The following RPA3 variants were observed in gnomAD, a reference collection of about 807,000 sequenced individuals.
RPA3 encodes the protein replication protein A 14 kDa subunit.
Under a neutral mutation model 13.7 loss-of-function variants are expected in RPA3, and 24 were observed. That is an observed-to-expected ratio of 1.75 (90% confidence interval 1.27 to 2.46). The LOEUF is 2.46. RPA3 is among the 30% of genes most tolerant of loss of function. RPA3 has a pLI of 0.00. For synonymous variants in RPA3, 59 were observed against 51.2 expected, an observed-to-expected ratio of 1.15 and a Z score of -0.65; for missense variants, 183 against 151.0, an observed-to-expected ratio of 1.21 and a Z score of -1.11.
intron 4 of RPA3, among the ~76,000 whole-genome samples, chr7:7,648,436 G>A (rs186682795): frequency 1.3e-3 from 205 of 152,204 alleles, no homozygotes; most frequent in Non-Finnish European, 2.7e-3. Context: ...GCATATAGCT[G>A]GCGATTCATT....
At chr7:7,671,382 G>A (rs567405080) in intron 4 of RPA3, among the ~76,000 whole-genome samples, 7 of 152,198 alleles carry the variant, frequency 4.6e-5, no homozygotes, top group South Asian at 4.1e-4. Context: ...TTTCTGAACC[G>A]TTTTATCCCA....
rs573122304 is a variant in RPA3 at position 7,707,100 on chromosome 7, G to A, written c.-1028+8075C>T. Among the ~76,000 whole-genome samples, 3 of 152,180 alleles carry A rather than the reference G, an allele frequency of 2.0e-5. No homozygotes were observed. In the South Asian group the frequency reaches 6.2e-4, roughly 32 times the overall value. On this transcript the variant is annotated intron_variant, in intron 2 of 7. Transcript: ENST00000223129. Reference sequence around the variant, plus strand: ...TTCTGATTATAAATATATAACTATTGTACTACCATTCCCTGGTTGGTAGGA... The same window carrying A: ...TTCTGATTATAAATATATAACTATTATACTACCATTCCCTGGTTGGTAGGA...
At chr7:7,664,275 A>G (rs1218172024) in intron 4 of RPA3, among the ~76,000 whole-genome samples, 1 of 152,004 alleles carries the variant, frequency 6.6e-6, no homozygotes, top group Non-Finnish European at 1.5e-5. Context: ...TTCTCATTCA[A>G]ACTTCACCCA....
intron 2 of RPA3, among the ~76,000 whole-genome samples, chr7:7,699,000 G>A (rs915229221): frequency 2.6e-5 from 4 of 150,984 alleles, no homozygotes; most frequent in Non-Finnish European, 5.9e-5. Flanking sequence ...GACTACAGGA[G>A]TGCACCATCA....
chr7:7,637,859 T>C lies in RPA3; in HGVS notation c.283+5A>G. ...AACCAGTCAATACTAGAATGCTTTA[T>C]TTACCAAAAGGATGGCTATCTTCTT... On this transcript the variant is annotated splice_donor_5th_base_variant and intron_variant, in intron 7 of 7. Transcript: ENST00000223129. The C allele has an allele frequency of 6.2e-7, 1 of 1,607,996 alleles. No homozygotes were observed. The highest frequency in any genetic ancestry group is 2.2e-5 in the East Asian group (1 of 44,722).
At position 7,637,003 on chromosome 7, in the gene RPA3, A is replaced by G. The variant is rs775749369; in HGVS notation, c.363T>C (p.Asp121=). 6.2e-7 allele frequency: 1 copy of G among 1,605,946 alleles called. No individual in the cohort carries two copies. Among genetic ancestry groups the G allele is most frequent in the African/African-American group, 1.3e-5 (1 of 74,760 alleles). The part of the protein sequence containing the change: ...QFYPLGIVQH[D] ...ATCGTATGAAAATCCATCAAGATCA[A>G]TCATGTTGCACAATCCCTAAAGGAT... Residue 121 remains aspartate (D), a synonymous_variant, in exon 8 of 8, where the codon GAT becomes GAC. Coordinates refer to ENST00000223129, the MANE Select transcript of RPA3 (RefSeq NM_002947.5).
intron 2 of RPA3, among the ~76,000 whole-genome samples, chr7:7,714,268 A>G (rs1197954462): frequency 6.6e-6 from 1 of 152,256 alleles, no homozygotes; most frequent in African/African-American, 2.4e-5. Context: ...ACTTTTCTAT[A>G]AATCCTTGGA....
Position 7,669,782 on chromosome 7 carries a change from C to T in RPA3, c.-758+16048G>A, listed in dbSNP as rs576841311. Among the ~76,000 whole-genome samples, 9 of 152,264 alleles carry T rather than the reference C, an allele frequency of 5.9e-5. No individual in the cohort carries two copies. In the South Asian group the frequency reaches 1.0e-3, roughly 18 times the overall value. ...GTGACTGATGCCTTTGTAATAATTT[C>T]GGAACTGTCTGAAATTATCCAAAGC... On this transcript the variant is annotated intron_variant, in intron 4 of 7. Coordinates refer to ENST00000223129, the MANE Select transcript of RPA3 (RefSeq NM_002947.5).
Position 7,640,518 on chromosome 7 carries a change from G to T in RPA3, c.-100C>A. The T allele has an allele frequency of 9.5e-7, 1 of 1,053,506 alleles. No individual in the cohort carries two copies. Among genetic ancestry groups the T allele is most frequent in the Non-Finnish European group, 1.4e-6 (1 of 692,158 alleles). The allele number at this position is 1,053,506 out of a possible 1,614,324, so 65.3% of individuals were successfully genotyped here. Reference sequence around the variant, plus strand: ...GGCAGATTTCTCGGCACCAATCAGCGAAGACTAGCGCTCCAGCTTCGCCAA... The same window carrying T: ...GGCAGATTTCTCGGCACCAATCAGCTAAGACTAGCGCTCCAGCTTCGCCAA... On this transcript the variant is annotated 5_prime_UTR_variant, in exon 5 of 8. Transcript: ENST00000223129.
chr7:7,671,394 G>C (rs535892410), intron 4 of RPA3, among the ~76,000 whole-genome samples: 1 of 152,308 alleles, frequency 6.6e-6, no homozygotes, highest in Non-Finnish European at 1.5e-5. Context: ...TTTATCCCAA[G>C]AGAAAGAATT....
intron 2 of RPA3, among the ~76,000 whole-genome samples, chr7:7,696,239 C>T (rs1345634128): frequency 2.0e-5 from 3 of 150,750 alleles, no homozygotes; most frequent in Admixed American, 1.3e-4. Flanking sequence ...AATTTGTTTT[C>T]TCCTTGAACT....
chr7:7,678,710 ATT>A (rs1188692443), intron 4 of RPA3, among the ~76,000 whole-genome samples: 20 of 128,414 alleles, frequency 1.6e-4, no homozygotes, highest in African/African-American at 6.3e-4. Context: ...ATATTTATAT[ATT>A]TAGTTTATAA....
rs1784911846 is a variant in RPA3 at position 7,639,145 on chromosome 7, C to G, written c.100-1G>C. On this transcript the variant is annotated splice_acceptor_variant, in intron 5 of 7. Coordinates refer to ENST00000223129, the MANE Select transcript of RPA3 (RefSeq NM_002947.5). LOFTEE classifies it high-confidence loss of function. The stretch of plus-strand genomic sequence containing the variant: ...TAAACATTTTTCCGGTGGGATGAAT[C>G]TAAAAACGAAACATATAATTAAAAT... 4 of 1,607,200 alleles carry G rather than the reference C, an allele frequency of 2.5e-6. No individual in the cohort carries two copies. Among genetic ancestry groups the G allele is most frequent in the Non-Finnish European group, 3.4e-6 (4 of 1,177,202 alleles).
At chr7:7,705,257 G>T (rs1780569462) in intron 2 of RPA3, among the ~76,000 whole-genome samples, 1 of 152,162 alleles carries the variant, frequency 6.6e-6, no homozygotes, top group Non-Finnish European at 1.5e-5. Context: ...GATGCACTGT[G>T]ATTTAGTTTT....
chr7:7,711,673 T>G (rs1184042638), intron 2 of RPA3, among the ~76,000 whole-genome samples: 1 of 152,178 alleles, frequency 6.6e-6, no homozygotes, highest in Middle Eastern at 3.2e-3. Context: ...ACTATTGATC[T>G]CTTTTCCCTG....
intron 4 of RPA3, among the ~76,000 whole-genome samples, chr7:7,652,479 T>C (rs533454474): frequency 6.6e-6 from 1 of 152,354 alleles, no homozygotes; most frequent in South Asian, 2.1e-4. Context: ...GCTAGCAATA[T>C]TTTTGACTAG....
At chr7:7,688,138 T>A (rs1305844342) in intron 2 of RPA3, among the ~76,000 whole-genome samples, 8 of 152,214 alleles carry the variant, frequency 5.3e-5, no homozygotes, top group Non-Finnish European at 1.0e-4. Context: ...AGGTTTGTAT[T>A]TTTGGGGGGA....
At chr7:7,698,967 A>C (rs1780385193) in intron 2 of RPA3, among the ~76,000 whole-genome samples, 1 of 142,230 alleles carries the variant, frequency 7.0e-6, no homozygotes, top group African/African-American at 2.7e-5. Context: ...TGATTCTCCC[A>C]CTTCAGCCCC....
intron 4 of RPA3, among the ~76,000 whole-genome samples, chr7:7,650,958 A>T (rs1251522525): frequency 1.3e-5 from 2 of 152,190 alleles, no homozygotes; most frequent in East Asian, 3.8e-4. Context: ...GTACTCAGGA[A>T]CCAGCAGAAT....
Sources: allele counts gnomAD v4.1 joint callset (sites outside exome capture counted in the v4.1 genomes callset), GRCh38; gene constraint gnomAD v4.1.1; transcripts MANE v1.5; gene names NCBI Gene and HGNC (gene_info 2026-07-23, HGNC 2026-07-21).